Variants in MICU3 observed in about 807,000 individuals in gnomAD.
MICU3 encodes mitochondrial calcium uptake 3.
MICU3 carries 62 observed loss-of-function variants against 66.5 expected under a neutral mutation model. That is an observed-to-expected ratio of 0.93 (90% CI 0.76 to 1.15). The LOEUF (loss-of-function observed/expected upper bound fraction) is 1.15, where lower values mean the gene tolerates loss of function less well. Among genes scored for constraint, MICU3 ranks in the 50% most tolerant of loss-of-function variants. The pLI, the probability that MICU3 is intolerant of heterozygous loss-of-function variation, is 0.00. For missense variants in MICU3, 779 were observed against 664.4 expected (o/e 1.17, Z -1.90); for synonymous variants, 308 against 240.7 (o/e 1.28, Z -2.59).
intron 1 of MICU3, among the ~76,000 whole-genome samples, chr8:17,054,494 A>G (rs1816587603): frequency 6.6e-6 from 1 of 152,176 alleles, no homozygotes; most frequent in South Asian, 2.1e-4. Flanking sequence ...GCAATCTGCC[A>G]CCAAGTTTAG....
chr8:17,071,978 C>T (rs1471941795), intron 3 of MICU3, among the ~76,000 whole-genome samples: 1 of 152,066 alleles, frequency 6.6e-6, no homozygotes, highest in South Asian at 2.1e-4. Flanking sequence ...CCAAATCTAT[C>T]TATAAATTCA....
chr8:17,108,492 C>G (rs1349675991), intron 11 of MICU3, among the ~76,000 whole-genome samples: 1 of 152,146 alleles, frequency 6.6e-6, no homozygotes, highest in Non-Finnish European at 1.5e-5. Context: ...ACCATCTTCC[C>G]TGTTTCAGTT....
intron 1 of MICU3, among the ~76,000 whole-genome samples, chr8:17,032,401 G>C (rs892552812): frequency 2.0e-5 from 3 of 151,828 alleles, no homozygotes; most frequent in Non-Finnish European, 4.4e-5. Context: ...ATAAAAAAAC[G>C]ATTAGATTGC....
intron 1 of MICU3, among the ~76,000 whole-genome samples, chr8:17,045,255 A>ACG (rs1814873363): frequency 6.6e-6 from 1 of 151,664 alleles, no homozygotes. Flanking sequence ...TGATAAACAG[A>ACG]CTCTCTCTCT....
At chr8:17,116,738 G>C in intron 13 of MICU3, 138 bp downstream of exon 13, 1 of 600,906 alleles carries the variant, frequency 1.7e-6, no homozygotes, top group Non-Finnish European at 2.7e-6. Context: ...AAAAAACATA[G>C]GCCTTACTTC....
At chr8:17,074,590 CGTGTGTGTGTGTGTGTGTGTGT>C (rs35861279) in intron 3 of MICU3, among the ~76,000 whole-genome samples, 10 of 141,940 alleles carry the variant, frequency 7.0e-5, no homozygotes, top group Non-Finnish European at 1.2e-4. Flanking sequence ...GATGTTAAAA[CGTGTGTGTGTGTGTGTGTGTGT>C]GTGTGTGTGT....
rs371647973 is a variant in MICU3 at position 17,116,452 on chromosome 8, A to C, written c.1376A>C (p.Lys459Thr). 4.6e-5 allele frequency: 68 copies of C among 1,472,694 alleles called. No individual in the cohort carries two copies. The highest frequency in any genetic ancestry group is 5.9e-5 in the Non-Finnish European group (66 of 1,113,932). The allele number at this position is 1,472,694 out of a possible 1,614,324, so 91.2% of individuals were successfully genotyped here. ...ASRSIGQDEF[K>T]RAVYVATGLK... Reference sequence around the variant, plus strand: ...TGTAACATTTATCTAGATGAATTTAAACGTGCCGTCTATGTAGCTACTGGA... The same window carrying C: ...TGTAACATTTATCTAGATGAATTTACACGTGCCGTCTATGTAGCTACTGGA... Residue 459 changes from lysine (K) to threonine (T), a missense_variant, in exon 13 of 15, where the codon AAA (lysine) becomes ACA (threonine). Coordinates refer to ENST00000318063, the MANE Select transcript of MICU3 (RefSeq NM_181723.3).
chr8:17,088,751 A>G (rs1799736077), intron 7 of MICU3, among the ~76,000 whole-genome samples: 1 of 151,980 alleles, frequency 6.6e-6, no homozygotes, highest in Non-Finnish European at 1.5e-5. Flanking sequence ...AGGGAGATAA[A>G]AAAGAGAAAA....
intron 10 of MICU3, 51 bp from the exon 11 acceptor site, chr8:17,105,362 A>C: frequency 8.8e-7 from 1 of 1,131,904 alleles, no homozygotes; most frequent in Non-Finnish European, 1.3e-6. Flanking sequence ...ATCTCCTGTT[A>C]CGATTACTCT....
chr8:17,091,049 C>G (rs947786789), intron 8 of MICU3, among the ~76,000 whole-genome samples: 3 of 151,444 alleles, frequency 2.0e-5, no homozygotes, highest in African/African-American at 7.3e-5. Flanking sequence ...TTTTCAAAGC[C>G]TTTGTTTCCT....
intron 3 of MICU3, among the ~76,000 whole-genome samples, chr8:17,075,491 C>A (rs1366313230): frequency 6.6e-6 from 1 of 151,996 alleles, no homozygotes; most frequent in Non-Finnish European, 1.5e-5. Context: ...GGACAAAGGC[C>A]AAATTCTTTA....
intron 1 of MICU3, among the ~76,000 whole-genome samples, chr8:17,030,281 C>T (rs1474800286): frequency 6.6e-6 from 1 of 152,162 alleles, no homozygotes; most frequent in Non-Finnish European, 1.5e-5. Context: ...TGGAGGTTTT[C>T]CTCACATATC....
chr8:17,083,673 G>C (rs977642906), intron 5 of MICU3, among the ~76,000 whole-genome samples: 2 of 152,070 alleles, frequency 1.3e-5, no homozygotes, highest in African/African-American at 4.8e-5. Flanking sequence ...TGAAGAACTA[G>C]TATTGTACCT....
intron 8 of MICU3, among the ~76,000 whole-genome samples, chr8:17,093,986 T>G (rs2150773958): frequency 6.6e-6 from 1 of 152,130 alleles, no homozygotes; most frequent in South Asian, 2.1e-4. Flanking sequence ...ACGAATCCCC[T>G]TCATGTGTGT....
At chr8:17,114,268 A>G in intron 12 of MICU3, 67 bp downstream of exon 12, 5 of 1,012,542 alleles carry the variant, frequency 4.9e-6, no homozygotes, top group Non-Finnish European at 6.0e-6. Flanking sequence ...GATTTTGGCA[A>G]CCAATTAATT....
In MICU3 at chr8:17,077,831, T is replaced by A. The variant is rs1820608676; in HGVS notation, c.616T>A (p.Ser206Thr). The stretch of plus-strand genomic sequence containing the variant: ...AACACCACCAGTTTGGAAAGGCTCA[T>A]CGAAGCTATTTCGAAATCTTAAAGA... ...AETPPVWKGS[S>T]KLFRNLKEKG... The change falls in exon 4 of 15, where the codon TCG becomes ACG. Residue 206 changes from serine (S) to threonine (T), a missense_variant. Ser to Thr is a moderately conservative substitution (Grantham distance 58). Transcript: ENST00000318063. 1.2e-6 allele frequency: 2 copies of A among 1,612,036 alleles called. No individual in the cohort carries two copies. Among genetic ancestry groups the A allele is most frequent in the Admixed American group, 3.3e-5 (2 of 59,918 alleles).
intron 4 of MICU3, among the ~76,000 whole-genome samples, chr8:17,080,111 C>A (rs1407963358): frequency 6.6e-6 from 1 of 151,698 alleles, no homozygotes; most frequent in Non-Finnish European, 1.5e-5. Context: ...ATCCTGCACG[C>A]CATAAATAAA....
At chr8:17,082,910 TA>T (rs1756494928) in intron 5 of MICU3, among the ~76,000 whole-genome samples, 1 of 152,172 alleles carries the variant, frequency 6.6e-6, no homozygotes, top group Non-Finnish European at 1.5e-5. Flanking sequence ...TTTCAAAAAA[TA>T]TTTTTTTCTC....
chr8:17,030,333 G>A (rs947379221), intron 1 of MICU3, among the ~76,000 whole-genome samples: 5 of 152,196 alleles, frequency 3.3e-5, no homozygotes, highest in African/African-American at 7.2e-5. Context: ...CTCTCAGAGG[G>A]TGTCTGTGCA....
Sources: allele counts gnomAD v4.1 joint callset (sites outside exome capture counted in the v4.1 genomes callset), GRCh38; gene constraint gnomAD v4.1.1; transcripts MANE v1.5; gene names NCBI Gene and HGNC (gene_info 2026-07-23, HGNC 2026-07-21).